Variants in CBL observed in about 807,000 individuals in gnomAD.
The protein encoded by CBL is E3 ubiquitin-protein ligase CBL.
A neutral mutation model predicts 96.9 loss-of-function variants in CBL; 45 were observed. The observed-to-expected ratio is 0.46, with a 90% CI of 0.37 to 0.60. The LOEUF (loss-of-function observed/expected upper bound fraction) is 0.60, where lower values mean the gene tolerates loss of function less well. CBL is among the 20% of genes least tolerant of loss of function. The probability of loss-of-function intolerance (pLI) is 0.00; values close to 1 mark genes in which losing one functional copy is unlikely to be tolerated. For missense variants in CBL, 1,024 were observed against 1,143.5 expected, an observed-to-expected ratio of 0.90 and a Z score of 1.51; for synonymous variants, 420 against 426.8, an observed-to-expected ratio of 0.98 and a Z score of 0.20.
intron 1 of CBL, among the ~76,000 whole-genome samples, chr11:119,209,341 G>A (rs1368054690): frequency 6.6e-6 from 1 of 152,068 alleles, no homozygotes; most frequent in African/African-American, 2.4e-5. Flanking sequence ...TTCTGGGCCG[G>A]GCCCCGTGGC....
intron 1 of CBL, among the ~76,000 whole-genome samples, chr11:119,211,338 C>G (rs1277813823): frequency 1.3e-5 from 2 of 151,770 alleles, no homozygotes; most frequent in Non-Finnish European, 2.9e-5. Context: ...CTCCATTGCA[C>G]TCCAGCCTGG....
chr11:119,211,471 A>G (rs895391523), intron 1 of CBL, among the ~76,000 whole-genome samples: 7 of 152,018 alleles, frequency 4.6e-5, no homozygotes, highest in African/African-American at 7.2e-5. Flanking sequence ...GGCACACACT[A>G]AGTCTCATGT....
chr11:119,268,193 A>T (rs867637863), intron 2 of CBL, among the ~76,000 whole-genome samples: 1 of 152,230 alleles, frequency 6.6e-6, no homozygotes, highest in Non-Finnish European at 1.5e-5. Context: ...CCCTTCTTCA[A>T]AAGGCAGTTA....
At chr11:119,258,820 G>A (rs1162538134) in intron 2 of CBL, among the ~76,000 whole-genome samples, 1 of 152,088 alleles carries the variant, frequency 6.6e-6, no homozygotes, top group Non-Finnish European at 1.5e-5. Flanking sequence ...AAAAAATGAT[G>A]TGGGTATTTT....
chr11:119,261,592 A>G (rs1177399082), intron 2 of CBL, among the ~76,000 whole-genome samples: 1 of 152,154 alleles, frequency 6.6e-6, no homozygotes, highest in East Asian at 1.9e-4. Flanking sequence ...AGATTTCAGC[A>G]TTATCTTACT....
Position 119,300,971 on chromosome 11 carries a change from G to A in CBL, c.*1190G>A, listed in dbSNP as rs1406213150. 1 of 237,364 alleles carries A rather than the reference G, an allele frequency of 4.2e-6. No homozygotes were observed. The highest frequency in any genetic ancestry group is 8.3e-6 in the Non-Finnish European group (1 of 120,996). The allele number at this position is 237,364 out of a possible 1,614,324, so 14.7% of individuals were successfully genotyped here. A position where few individuals can be genotyped will look rare whatever the true frequency, so the allele number is the denominator to read the frequency against. ...ATGGGTGTCTTCATTTGAACATGAG[G>A]AATATTAGGTTATATTTTCAGCAGT... On this transcript the variant is annotated 3_prime_UTR_variant, in exon 16 of 16. Coordinates refer to ENST00000264033, the MANE Select transcript of CBL (RefSeq NM_005188.4).
At position 119,299,752 on chromosome 11, in the gene CBL, A is replaced by G. The variant is rs397507499; in HGVS notation, c.2692A>G (p.Ile898Val). The G allele has an allele frequency of 3.7e-6, 6 of 1,613,976 alleles. No individual in the cohort carries two copies. Among genetic ancestry groups the G allele is most frequent in the Middle Eastern group, 1.6e-4 (1 of 6,082 alleles). Residue 898 changes from isoleucine to valine, a missense_variant, in exon 16 of 16, where the codon ATT (isoleucine) becomes GTT (valine). Coordinates refer to ENST00000264033, the MANE Select transcript of CBL (RefSeq NM_005188.4). The part of the protein sequence containing the change: ...AKNILREFVS[I>V]SSPAHVAT ...AAACATCCTCCGGGAATTTGTTTCC[A>G]TTTCTTCTCCTGCCCATGTAGCTAC...
chr11:119,216,528 T>C (rs1376258996), intron 1 of CBL, among the ~76,000 whole-genome samples: 4 of 151,676 alleles, frequency 2.6e-5, no homozygotes, highest in African/African-American at 9.7e-5. Context: ...CCCACCACCA[T>C]GCCCAGCTAA....
chr11:119,297,052 CT>C lies in CBL; in HGVS notation c.2153+23del, dbSNP rs1950068830. On this transcript the variant is annotated intron_variant, in intron 13 of 15. Transcript: ENST00000264033. ...AGTTCACGGTAGGTTCACAACAACC[CT>C]TTTTGGGCCCTATACCTTTATGTGG... The C allele has an allele frequency of 1.5e-6, 2 of 1,305,992 alleles. No homozygotes were observed. The highest frequency in any genetic ancestry group is 4.6e-5 in the East Asian group (2 of 43,506). The allele number at this position is 1,305,992 out of a possible 1,614,324, so 80.9% of individuals were successfully genotyped here.
At chr11:119,229,868 C>T (rs918440213) in intron 1 of CBL, among the ~76,000 whole-genome samples, 2 of 151,738 alleles carry the variant, frequency 1.3e-5, no homozygotes, top group Admixed American at 1.3e-4. Context: ...GCTGGAATTA[C>T]AGGCATGTGC....
At chr11:119,227,853 C>G (rs1055869909) in intron 1 of CBL, among the ~76,000 whole-genome samples, 2 of 152,086 alleles carry the variant, frequency 1.3e-5, no homozygotes, top group African/African-American at 4.8e-5. Flanking sequence ...CCCCGCAAAC[C>G]TTATAATTTT....
chr11:119,287,855 A>G lies in CBL; in HGVS notation c.1945A>G (p.Met649Val), dbSNP rs769423231. The change falls in exon 12 of 16, where the codon ATG (methionine) becomes GTG (valine). Residue 649 changes from methionine to valine, a missense_variant. Physicochemically the swap from Met to Val is conservative, Grantham distance 21. Transcript: ENST00000264033. ...STFSLDTSMS[M>V]NSSPLVGPEC... ...AACACTTTTCTTTACTTTCCAGAGT[A>G]TGAATAGCAGCCCATTAGTAGGTCC... The G allele has an allele frequency of 6.2e-7, 1 of 1,605,560 alleles. No individual in the cohort carries two copies. The highest frequency in any genetic ancestry group is 1.7e-5 in the Admixed American group (1 of 60,010).
At chr11:119,209,507 T>C (rs1232423405) in intron 1 of CBL, among the ~76,000 whole-genome samples, 1 of 151,944 alleles carries the variant, frequency 6.6e-6, no homozygotes, top group Non-Finnish European at 1.5e-5. Context: ...TAATCCCAGC[T>C]ACTTGGGAGA....
rs1591275513 is a variant in CBL, at chr11:119,306,478, G to A, written c.*6697G>A. 1 of 397,506 alleles carries A rather than the reference G, an allele frequency of 2.5e-6. No homozygotes were observed. The highest frequency in any genetic ancestry group is 4.4e-6 in the Non-Finnish European group (1 of 225,694). The allele number at this position is 397,506 out of a possible 1,614,324, so 24.6% of individuals were successfully genotyped here. ...GCCAGAGAGGAGTATTGCTCAATGC[G>A]TGCTATGTGCAACTCCTCAGGCCTT... is the stretch of plus-strand genomic sequence containing the variant. On this transcript the variant is annotated 3_prime_UTR_variant, in exon 16 of 16. Transcript: ENST00000264033.
In CBL at chr11:119,218,553, G is replaced by A. The variant is rs184377751; in HGVS notation, c.195+11941G>A. Among the ~76,000 whole-genome samples, 31 of 152,268 alleles carry A rather than the reference G, an allele frequency of 2.0e-4. No homozygotes were observed. The East Asian group carries it at 5.0e-3, about 25-fold the overall frequency. On this transcript the variant is annotated intron_variant, in intron 1 of 15. Transcript: ENST00000264033. ...TAAATTGTATGCTGTTCTGAGTAACGAGGTGAAATCTTGCAATCTTACGCT... is the reference window on the plus strand; with the variant it reads ...TAAATTGTATGCTGTTCTGAGTAACAAGGTGAAATCTTGCAATCTTACGCT...
intron 11 of CBL, 62 bp downstream of exon 11, chr11:119,285,628 G>A (rs2135311163): frequency 1.3e-6 from 2 of 1,567,044 alleles, no homozygotes; most frequent in Non-Finnish European, 1.7e-6. Flanking sequence ...AGGCACAGTG[G>A]CTCATGTCTG....
intron 1 of CBL, among the ~76,000 whole-genome samples, chr11:119,229,122 G>A (rs989250432): frequency 2.6e-5 from 4 of 151,864 alleles, no homozygotes; most frequent in African/African-American, 9.7e-5. Flanking sequence ...TTACAGTGTC[G>A]GTCTTCCCCA....
At chr11:119,267,856 T>C (rs1949815567) in intron 2 of CBL, among the ~76,000 whole-genome samples, 1 of 152,208 alleles carries the variant, frequency 6.6e-6, no homozygotes, top group Non-Finnish European at 1.5e-5. Context: ...CAAATAGCTA[T>C]AGTCAAAATG....
chr11:119,220,831 T>G (rs568674209), intron 1 of CBL, among the ~76,000 whole-genome samples: 15 of 152,244 alleles, frequency 9.9e-5, no homozygotes, highest in African/African-American at 1.4e-4. Flanking sequence ...AATCAAAAAT[T>G]GAGAATAATA....
Sources: allele counts gnomAD v4.1 joint callset (sites outside exome capture counted in the v4.1 genomes callset), GRCh38; gene constraint gnomAD v4.1.1; transcripts MANE v1.5; gene names NCBI Gene and HGNC (gene_info 2026-07-23, HGNC 2026-07-21).